MAPK10: variants seen among roughly 807,000 people sequenced by gnomAD.
MAPK10 encodes JNK3 alpha protein kinase.
Under a neutral mutation model 59.3 loss-of-function variants are expected in MAPK10, and 25 were observed. The observed-to-expected ratio is 0.42, with a 90% CI of 0.31 to 0.59. The LOEUF (loss-of-function observed/expected upper bound fraction) is 0.59, where lower values mean the gene tolerates loss of function less well. MAPK10 is among the 20% of genes least tolerant of loss of function. The pLI, the probability that MAPK10 is intolerant of heterozygous loss-of-function variation, is 0.15. For missense variants in MAPK10, 351 were observed against 568.9 expected, an observed-to-expected ratio of 0.62 and a Z score of 3.90; for synonymous variants, 190 against 200.5, an observed-to-expected ratio of 0.95 and a Z score of 0.44.
intron 2 of MAPK10, among the ~76,000 whole-genome samples, chr4:86,203,440 A>T (rs1344926677): frequency 6.6e-6 from 1 of 151,732 alleles, no homozygotes; most frequent in Non-Finnish European, 1.5e-5. Flanking sequence ...AAGCTTCACA[A>T]ATGCAAAAAT....
Position 86,334,261 on chromosome 4 carries a change from C to T in MAPK10, c.-7+20269G>A, listed in dbSNP as rs184692752. On this transcript the variant is annotated intron_variant, in intron 2 of 13. Transcript: ENST00000641462. Reference sequence around the variant, plus strand: ...ATCTTCCAAATGCAAACGAGTCCTGCAGATTCTACCTACCTCCTTACTGTT... The same window carrying T: ...ATCTTCCAAATGCAAACGAGTCCTGTAGATTCTACCTACCTCCTTACTGTT... Among the ~76,000 whole-genome samples, 13 of 152,278 alleles carry T rather than the reference C, an allele frequency of 8.5e-5. No individual in the cohort carries two copies. In the East Asian group the frequency reaches 2.5e-3, roughly 29 times the overall value.
intron 1 of MAPK10, among the ~76,000 whole-genome samples, chr4:86,443,029 G>A (rs564101801): frequency 5.5e-4 from 83 of 152,138 alleles, no homozygotes; most frequent in Non-Finnish European, 1.0e-3. Flanking sequence ...CAGGGACACT[G>A]AGAACCACAA....
chr4:86,311,421 G>C (rs2095667384), intron 2 of MAPK10, among the ~76,000 whole-genome samples: 1 of 152,050 alleles, frequency 6.6e-6, no homozygotes, highest in African/African-American at 2.4e-5. Flanking sequence ...GATAGTTCTT[G>C]TTTGGAATTT....
At position 86,134,669 on chromosome 4, in the gene MAPK10, T is replaced by C. The variant is rs185002241; in HGVS notation, c.236+24629A>G. ...CTTTGTCATTCAAATTAAAGTAAAA[T>C]TGGGGGGAGGAGCCAAGATGGCCGA... On this transcript the variant is annotated intron_variant, in intron 4 of 13. Transcript: ENST00000641462. 5.3e-3 allele frequency among the ~76,000 whole-genome samples: 802 copies of C among 152,238 alleles called. 6 individuals carry two copies. Among genetic ancestry groups the C allele is most frequent in the Middle Eastern group, 0.031 (9 of 294 alleles).
intron 4 of MAPK10, among the ~76,000 whole-genome samples, chr4:86,148,915 T>C (rs1276601858): frequency 3.9e-5 from 6 of 152,106 alleles, no homozygotes; most frequent in African/African-American, 1.4e-4. Flanking sequence ...ACTTTTAAAA[T>C]ACAAATATTT....
chr4:86,311,591 T>C (rs2095670226), intron 2 of MAPK10, among the ~76,000 whole-genome samples: 1 of 152,122 alleles, frequency 6.6e-6, no homozygotes, highest in Admixed American at 6.6e-5. Flanking sequence ...TCTACATATC[T>C]AGTAGTTTCT....
intron 2 of MAPK10, among the ~76,000 whole-genome samples, chr4:86,274,789 T>G (rs2094527709): frequency 6.6e-6 from 1 of 151,966 alleles, no homozygotes; most frequent in South Asian, 2.1e-4. Flanking sequence ...CTTCAAGCAG[T>G]CTCAAGATAT....
Position 86,375,879 on chromosome 4 carries a change from A to G in MAPK10, c.-121-21235T>C, listed in dbSNP as rs542832102. Among the ~76,000 whole-genome samples the G allele has an allele frequency of 1.2e-4, 19 of 152,202 alleles. 1 individual carries two copies. The highest frequency in any genetic ancestry group is 4.1e-4 in the African/African-American group (17 of 41,520). ...TTTCTGTAATGAACTCTGTGAACTC[A>G]TTGTTATTCTAATGAAGTGGATATG... On this transcript the variant is annotated intron_variant, in intron 1 of 13. Transcript: ENST00000361569.
intron 4 of MAPK10, among the ~76,000 whole-genome samples, chr4:86,118,435 A>C (rs991127800): frequency 6.6e-6 from 1 of 152,164 alleles, no homozygotes; most frequent in Non-Finnish European, 1.5e-5. Flanking sequence ...CTTGGCATAC[A>C]GTACTAACAC....
intron 13 of MAPK10, among the ~76,000 whole-genome samples, chr4:86,022,715 C>T (rs776809171): frequency 2.0e-4 from 30 of 152,028 alleles, no homozygotes; most frequent in Non-Finnish European, 3.4e-4. Context: ...TGCCATGTTG[C>T]CCAAGCTGGT....
intron 1 of MAPK10, among the ~76,000 whole-genome samples, chr4:86,368,383 G>C (rs927439382): frequency 5.3e-5 from 8 of 152,082 alleles, no homozygotes; most frequent in Non-Finnish European, 1.0e-4. Flanking sequence ...AAAATCCATG[G>C]TTTACATTAG....
At chr4:86,485,397 C>G (rs374353990) in intron 1 of MAPK10, among the ~76,000 whole-genome samples, 2 of 152,164 alleles carry the variant, frequency 1.3e-5, no homozygotes, top group Non-Finnish European at 2.9e-5. Context: ...GCCCTAGGAA[C>G]ATATCCTTTT....
chr4:86,234,448 C>T (rs539799358), intron 2 of MAPK10, among the ~76,000 whole-genome samples: 43 of 151,798 alleles, frequency 2.8e-4, no homozygotes, highest in Non-Finnish European at 5.6e-4. Flanking sequence ...GTTCTATTTC[C>T]TTATTAGGTA....
At chr4:86,178,601 T>C (rs1001546692) in intron 3 of MAPK10, among the ~76,000 whole-genome samples, 6 of 152,116 alleles carry the variant, frequency 3.9e-5, no homozygotes, top group Non-Finnish European at 7.4e-5. Flanking sequence ...GGGAAAACCT[T>C]AAAGCTTTTC....
chr4:86,400,345 A>C (rs1743531542), intron 1 of MAPK10, among the ~76,000 whole-genome samples: 1 of 152,132 alleles, frequency 6.6e-6, no homozygotes, highest in Admixed American at 6.5e-5. Flanking sequence ...ATTACAAGGA[A>C]GCCAACATCT....
At chr4:86,352,368 T>C (rs916579064) in intron 2 of MAPK10, 1 of 152,154 alleles carries the variant, frequency 6.6e-6, no homozygotes, top group African/African-American at 2.4e-5. Flanking sequence ...TAGAATACTA[T>C]ACAACAATTT....
rs116764377 is a variant in MAPK10 at position 86,082,962 on chromosome 4, T to C, written c.803-15007A>G. 2.3e-3 allele frequency among the ~76,000 whole-genome samples: 350 copies of C among 152,300 alleles called. 2 individuals carry two copies. The highest frequency in any genetic ancestry group is 8.2e-3 in the African/African-American group (340 of 41,560). ...GCAAAATACCTGTGTCAGAGTACTT[T>C]TGTCATCCATCACTCAGCCAGAGTC... On this transcript the variant is annotated intron_variant, in intron 9 of 13. Coordinates refer to ENST00000641462, the MANE Select transcript of MAPK10 (RefSeq NM_138982.4).
At chr4:86,160,617 A>G (rs953516977) in intron 3 of MAPK10, 1 of 152,008 alleles carries the variant, frequency 6.6e-6, no homozygotes, top group African/African-American at 2.4e-5. Context: ...GTTGTCCTAC[A>G]AGAAGTGAGA....
intron 1 of MAPK10, among the ~76,000 whole-genome samples, chr4:86,432,069 T>C (rs1268619310): frequency 6.6e-6 from 1 of 152,156 alleles, no homozygotes; most frequent in Non-Finnish European, 1.5e-5. Context: ...AGAGTCTTTT[T>C]AAAAAGCTGA....
Sources: allele counts gnomAD v4.1 joint callset (sites outside exome capture counted in the v4.1 genomes callset), GRCh38; gene constraint gnomAD v4.1.1; transcripts MANE v1.5; gene names NCBI Gene and HGNC (gene_info 2026-07-23, HGNC 2026-07-21).